Variants in EXPH5 observed in about 807,000 individuals in gnomAD.
The protein encoded by EXPH5 is exophilin-5.
Under a neutral mutation model 41.1 loss-of-function variants are expected in EXPH5, and 42 were observed. The observed-to-expected ratio is 1.02, with a 90% confidence interval of 0.80 to 1.32. The LOEUF is 1.32. Among genes scored for constraint, EXPH5 ranks in the 40% most tolerant of loss-of-function variants. The probability of loss-of-function intolerance (pLI) is 0.00; values close to 1 mark genes in which losing one functional copy is unlikely to be tolerated. For missense variants in EXPH5, 2,298 were observed against 2,314.5 expected (o/e 0.99, Z 0.15); for synonymous variants, 798 against 833.5 (o/e 0.96, Z 0.73).
At chr11:108,584,177 T>C (rs946817168) in intron 1 of EXPH5, among the ~76,000 whole-genome samples, 1 of 152,174 alleles carries the variant, frequency 6.6e-6, no homozygotes, top group African/African-American at 2.4e-5. Context: ...TTGTTGTATG[T>C]ATAAATAATT....
chr11:108,584,838 C>G (rs2094108840), intron 1 of EXPH5, among the ~76,000 whole-genome samples: 1 of 152,038 alleles, frequency 6.6e-6, no homozygotes, highest in South Asian at 2.1e-4. Context: ...GTAATCTGGG[C>G]TGAGGCAGAG....
At chr11:108,538,000 G>GCTAC in intron 3 of EXPH5, 4 of 985,304 alleles carry the variant, frequency 4.1e-6, no homozygotes, top group Non-Finnish European at 4.8e-6. Context: ...GACTCTGGTA[G>GCTAC]CTACAGTCAC....
rs151223610 is a variant in EXPH5, at chr11:108,555,857, G to A, written c.120-14045C>T. 6.4e-3 allele frequency among the ~76,000 whole-genome samples: 970 copies of A among 152,208 alleles called. 3 individuals are homozygous for A. Among genetic ancestry groups the A allele is most frequent in the Non-Finnish European group, 0.01 (682 of 68,016 alleles). The stretch of plus-strand genomic sequence containing the variant: ...TTTCCTGAGGCCTCCCCAGCCATGC[G>A]TAACTGTGAGTCAATCAAATCTCTT... On this transcript the variant is annotated intron_variant, in intron 1 of 5. Transcript: ENST00000265843.
intron 1 of EXPH5, among the ~76,000 whole-genome samples, chr11:108,580,599 T>A (rs1296263468): frequency 6.6e-6 from 1 of 152,206 alleles, no homozygotes. Context: ...AAGAGATAGC[T>A]ATACTTCTAT....
chr11:108,590,141 C>G (rs2094124013), intron 1 of EXPH5, among the ~76,000 whole-genome samples: 1 of 152,150 alleles, frequency 6.6e-6, no homozygotes, highest in Non-Finnish European at 1.5e-5. Flanking sequence ...ATAATGCTCA[C>G]CAAAAAGCTT....
chr11:108,521,075 T>C (rs539185788), intron 4 of EXPH5, among the ~76,000 whole-genome samples: 18 of 152,254 alleles, frequency 1.2e-4, no homozygotes. Context: ...CCTGCACTCA[T>C]CCACTTCCCT....
At chr11:108,590,218 A>T (rs566785928) in intron 1 of EXPH5, among the ~76,000 whole-genome samples, 1 of 151,360 alleles carries the variant, frequency 6.6e-6, no homozygotes, top group African/African-American at 2.4e-5. Context: ...CCTCACCAAC[A>T]TTTTTTTTTC....
Position 108,593,550 on chromosome 11 carries a change from T to G in EXPH5, c.-14A>C. On this transcript the variant is annotated 5_prime_UTR_variant, in exon 1 of 6. Coordinates refer to ENST00000265843, the MANE Select transcript of EXPH5 (RefSeq NM_015065.3). The stretch of plus-strand genomic sequence containing the variant: ...AACTTTCGTCATTTTCTTTACTGTG[T>G]GTGAGTTACACTTAAGCTCCTTGGC... 6.2e-7 allele frequency: 1 copy of G among 1,614,198 alleles called. No homozygotes were observed. The highest frequency in any genetic ancestry group is 8.5e-7 in the Non-Finnish European group (1 of 1,180,012).
At chr11:108,606,028 T>G in the EXPH5 span, among the ~76,000 whole-genome samples, 1 of 152,170 alleles carries the variant, frequency 6.6e-6, no homozygotes, top group Non-Finnish European at 1.5e-5. Context: ...ACCATCACCT[T>G]CTTCTTTTTT....
At chr11:108,553,126 G>A (rs904881608) in intron 1 of EXPH5, among the ~76,000 whole-genome samples, 1 of 152,128 alleles carries the variant, frequency 6.6e-6, no homozygotes, top group Admixed American at 6.5e-5. Context: ...TTGAACTGGG[G>A]AGGCAGAGGT....
In EXPH5 at chr11:108,511,500, T is replaced by C. The variant is rs1318270924; in HGVS notation, c.4007A>G (p.Asn1336Ser). The change falls in exon 6 of 6, where the codon AAT (asparagine) becomes AGT (serine). Residue 1336 changes from asparagine to serine, a missense_variant. By Grantham distance (46) the Asn-to-Ser change is conservative (BLOSUM62 1). Coordinates refer to ENST00000265843, the MANE Select transcript of EXPH5 (RefSeq NM_015065.3). ...TENMTAFRLS[N>S]RGPLAPTLQE... ...TAATGTAGGAGCTAGGGGCCCCCTA[T>C]TTGATAATCGGAAGGCAGTCATATT... 1.2e-5 allele frequency: 19 copies of C among 1,591,742 alleles called. No individual in the cohort carries two copies. The highest frequency in any genetic ancestry group is 1.6e-5 in the Non-Finnish European group (19 of 1,172,202).
At chr11:108,556,809 G>T (rs1484498699) in intron 1 of EXPH5, among the ~76,000 whole-genome samples, 1 of 150,818 alleles carries the variant, frequency 6.6e-6, no homozygotes, top group African/African-American at 2.4e-5. Flanking sequence ...TTTTGTAAAT[G>T]TAAGATATAT....
chr11:108,535,843 G>A (rs903651281), intron 3 of EXPH5, among the ~76,000 whole-genome samples: 2 of 152,154 alleles, frequency 1.3e-5, no homozygotes, highest in Non-Finnish European at 2.9e-5. Context: ...GGAATAACTG[G>A]GGGTCTGGAA....
At chr11:108,601,010 T>A in the EXPH5 span, among the ~76,000 whole-genome samples, 4 of 152,216 alleles carry the variant, frequency 2.6e-5, no homozygotes, top group African/African-American at 9.6e-5. Context: ...GCAGAGCCCA[T>A]GGATCGGCAA....
chr11:108,545,514 C>T (rs2093933961), intron 1 of EXPH5, among the ~76,000 whole-genome samples: 1 of 152,074 alleles, frequency 6.6e-6, no homozygotes, highest in South Asian at 2.1e-4. Flanking sequence ...ACTCAGCACA[C>T]ATTTGAACCC....
chr11:108,574,519 A>G (rs1484886535), intron 1 of EXPH5, among the ~76,000 whole-genome samples: 1 of 152,216 alleles, frequency 6.6e-6, no homozygotes, highest in Non-Finnish European at 1.5e-5. Flanking sequence ...TGTGTAGTGA[A>G]ATATATAAAT....
chr11:108,516,011 G>C (rs1273953663), intron 5 of EXPH5, among the ~76,000 whole-genome samples: 5 of 147,616 alleles, frequency 3.4e-5, no homozygotes, highest in African/African-American at 1.2e-4. Flanking sequence ...GGCAGAGCTT[G>C]CAGTGAGCCA....
At chr11:108,573,192 GAAAGAA>G (rs1462898411) in intron 1 of EXPH5, among the ~76,000 whole-genome samples, 1,574 of 139,610 alleles carry the variant, frequency 0.011, 35 homozygotes, top group African/African-American at 0.039. Flanking sequence ...AAGAAAGAAA[GAAAGAA>G]AAAGAAAGAA....
chr11:108,510,691 G>A lies in EXPH5; in HGVS notation c.4816C>T (p.Pro1606Ser), dbSNP rs747280714. Residue 1606 changes from proline (P) to serine (S), a missense_variant, in exon 6 of 6, where the codon CCA becomes TCA. By Grantham distance (74) the Pro-to-Ser change is moderately conservative. Transcript: ENST00000265843. Reference sequence around the variant, plus strand: ...CTTCTGGGGCTTACATCTTTAGCTGGGAATTTTCTGCTGGCTTTAGACATG... The same window carrying A: ...CTTCTGGGGCTTACATCTTTAGCTGAGAATTTTCTGCTGGCTTTAGACATG... ...AAMSKASRKFPAKDVSPRRHV... is the reference protein window; with the variant it reads ...AAMSKASRKFSAKDVSPRRHV... 1 of 1,614,136 alleles carries A rather than the reference G, an allele frequency of 6.2e-7. No homozygotes were observed. The highest frequency in any genetic ancestry group is 1.1e-5 in the South Asian group (1 of 91,088).
Sources: gnomAD v4.1 joint callset for allele counts (sites outside exome capture counted in the v4.1 genomes callset) on GRCh38, gnomAD v4.1.1 for gene constraint, MANE v1.5 for transcripts, NCBI Gene and HGNC (gene_info 2026-07-23, HGNC 2026-07-21) for gene names.